The following BIRC6 variants were observed in gnomAD, a reference collection of about 807,000 sequenced individuals.
BIRC6 encodes the protein dual E2 ubiquitin-conjugating enzyme/E3 ubiquitin-protein ligase BIRC6.
In BIRC6, 98 loss-of-function variants were observed where a neutral mutation model predicts 503.3. The ratio of observed to expected loss-of-function variants is 0.19; its 90% CI spans 0.17 to 0.23. The LOEUF (loss-of-function observed/expected upper bound fraction) is 0.23, where lower values mean the gene tolerates loss of function less well. Ranked by LOEUF, BIRC6 falls within the 10% of genes least tolerant of loss-of-function variation. The pLI, the probability that BIRC6 is intolerant of heterozygous loss-of-function variation, is 1.00. For missense variants in BIRC6, 5,360 were observed against 5,806.0 expected (o/e 0.92, Z 2.50); for synonymous variants, 2,240 against 2,078.7 (o/e 1.08, Z -2.11).
At chr2:32,397,590 GTGTGTGTGTGTGTGTATATA>G (rs1213422077) in intron 6 of BIRC6, among the ~76,000 whole-genome samples, 14 of 143,720 alleles carry the variant, frequency 9.7e-5, no homozygotes, top group African/African-American at 3.6e-4. Flanking sequence ...GTGTGTGTGT[GTGTGTGTGTGTGTGTATATA>G]TGTGTGTATA....
At chr2:32,416,754 T>A (rs556235032) in intron 10 of BIRC6, among the ~76,000 whole-genome samples, 1 of 152,014 alleles carries the variant, frequency 6.6e-6, no homozygotes, top group African/African-American at 2.4e-5. Context: ...TTTTCTTTTT[T>A]TCTCCTTTCT....
chr2:32,550,604 T>C (rs2150406011), intron 65 of BIRC6, among the ~76,000 whole-genome samples: 1 of 152,248 alleles, frequency 6.6e-6, no homozygotes, highest in South Asian at 2.1e-4. Context: ...TAGGTTTCTT[T>C]TTATCTCACT....
chr2:32,611,765 A>G (rs1366155395), intron 73 of BIRC6, among the ~76,000 whole-genome samples, 183 bp downstream of exon 73: 1 of 152,170 alleles, frequency 6.6e-6, no homozygotes, highest in African/African-American at 2.4e-5. Flanking sequence ...TTTTGGTAGT[A>G]GATTGACAGT....
chr2:32,429,074 A>C (rs2043830486), intron 10 of BIRC6, 72 bp from the exon 11 acceptor site: 1 of 1,271,662 alleles, frequency 7.9e-7, no homozygotes, highest in Non-Finnish European at 1.1e-6. Context: ...GTTGTTTCCT[A>C]AGTAGTATTA....
rs76206711 is a variant in BIRC6, at chr2:32,578,352, C to G, written c.13355+2986C>G. On this transcript the variant is annotated intron_variant, in intron 66 of 73. Coordinates refer to ENST00000421745, the MANE Select transcript of BIRC6 (RefSeq NM_016252.4). ...AACACTGACTCAAAGCTCCCCACCC[C>G]ACCTGTCTGCCTCATTCCCAACTGT... 3.7e-3 allele frequency among the ~76,000 whole-genome samples: 566 copies of G among 152,290 alleles called. 2 individuals are homozygous for G. Among genetic ancestry groups the G allele is most frequent in the South Asian group, 0.012 (58 of 4,820 alleles).
At chr2:32,376,562 A>C (rs1448254337) in intron 1 of BIRC6, among the ~76,000 whole-genome samples, 1 of 152,158 alleles carries the variant, frequency 6.6e-6, no homozygotes, top group African/African-American at 2.4e-5. Context: ...CATCAGTGAC[A>C]TACTGTTTTC....
intron 46 of BIRC6, 44 bp from the exon 47 acceptor site, chr2:32,501,669 C>T (rs776741605): frequency 2.6e-6 from 4 of 1,530,862 alleles, no homozygotes; most frequent in Non-Finnish European, 3.5e-6. Flanking sequence ...CTGCGCCTGG[C>T]TGGATATATA....
chr2:32,421,373 G>A (rs2042942140), intron 10 of BIRC6, among the ~76,000 whole-genome samples: 1 of 151,982 alleles, frequency 6.6e-6, no homozygotes, highest in Non-Finnish European at 1.5e-5. Flanking sequence ...CCAAAGTGCT[G>A]GGATTACAGG....
chr2:32,485,540 T>C (rs960911459), intron 39 of BIRC6, 103 bp from the exon 40 acceptor site: 9 of 714,710 alleles, frequency 1.3e-5, no homozygotes, highest in South Asian at 7.7e-5. Flanking sequence ...AAGAACACAC[T>C]CTTCATCCTC....
At chr2:32,479,670 C>G in intron 37 of BIRC6, 53 bp downstream of exon 37, 1 of 1,380,472 alleles carries the variant, frequency 7.2e-7, no homozygotes, top group South Asian at 1.5e-5. Flanking sequence ...AAACATGTTT[C>G]AAAATAAAGA....
At chr2:32,573,349 C>T (rs546734202) in intron 65 of BIRC6, among the ~76,000 whole-genome samples, 15 of 152,242 alleles carry the variant, frequency 9.9e-5, no homozygotes, top group African/African-American at 2.4e-4. Flanking sequence ...AGACCTGTGC[C>T]GCCATGCCTA....
At chr2:32,457,865 A>G (rs555920039) in intron 23 of BIRC6, among the ~76,000 whole-genome samples, 1 of 152,222 alleles carries the variant, frequency 6.6e-6, no homozygotes, top group South Asian at 2.1e-4. Context: ...CCAGATTCCA[A>G]TATCATTGTT....
chr2:32,491,587 C>T (rs1032768594), intron 44 of BIRC6, 29 bp downstream of exon 44: 5 of 1,601,914 alleles, frequency 3.1e-6, no homozygotes, highest in African/African-American at 2.7e-5. Context: ...TGGCATATGC[C>T]CAGACTATTC....
chr2:32,545,236 A>G (rs2057975821), intron 62 of BIRC6, among the ~76,000 whole-genome samples: 1 of 152,202 alleles, frequency 6.6e-6, no homozygotes, highest in Admixed American at 6.5e-5. Context: ...CTGTTGGGAA[A>G]AAAATAGTTT....
At chr2:32,524,715 T>C (rs2056105557) in intron 57 of BIRC6, 173 bp from the exon 58 acceptor site, 1 of 325,638 alleles carries the variant, frequency 3.1e-6, no homozygotes, top group Admixed American at 5.1e-5. Context: ...CTCATCAATG[T>C]CAGTAAAGAT....
intron 9 of BIRC6, among the ~76,000 whole-genome samples, chr2:32,412,306 G>T (rs1438443824): frequency 6.6e-6 from 1 of 151,954 alleles, no homozygotes; most frequent in East Asian, 1.9e-4. Flanking sequence ...ACACTAGCCG[G>T]ACCAACATGG....
rs1558845843 is a variant in BIRC6 at position 32,479,619 on chromosome 2, TAA to T, written c.7408+4_7408+5del. 6.3e-7 allele frequency: 1 copy of T among 1,592,784 alleles called. No homozygotes were observed. The highest frequency in any genetic ancestry group is 2.2e-5 in the East Asian group (1 of 44,546). On this transcript the variant is annotated splice_donor_region_variant and intron_variant, in intron 37 of 73. Transcript: ENST00000421745. Reference sequence around the variant, plus strand: ...AACCTTTGACACATGACATAACAGGTAAAGTTTTACATTATGTTTCTTCTTTA... The same window carrying T: ...AACCTTTGACACATGACATAACAGGTAGTTTTACATTATGTTTCTTCTTTA...
chr2:32,543,682 ATTAG>A (rs1259872415), intron 62 of BIRC6, 141 bp downstream of exon 62: 2 of 760,814 alleles, frequency 2.6e-6, no homozygotes, highest in African/African-American at 1.8e-5. Context: ...CACTTCCAGT[ATTAG>A]TTATACATAA....
chr2:32,444,046 T>C (rs1418227458), intron 20 of BIRC6, among the ~76,000 whole-genome samples: 1 of 151,992 alleles, frequency 6.6e-6, no homozygotes, highest in Admixed American at 6.5e-5. Context: ...TTTTTTTTTT[T>C]TTTAAAGCAC....
Sources: allele counts gnomAD v4.1 joint callset (sites outside exome capture counted in the v4.1 genomes callset), GRCh38; gene constraint gnomAD v4.1.1; transcripts MANE v1.5; gene names NCBI Gene and HGNC (gene_info 2026-07-23, HGNC 2026-07-21).